Variants in ZNF624 observed in about 807,000 individuals in gnomAD.
ZNF624 encodes the protein zinc finger protein 624.
ZNF624 carries 43 observed loss-of-function variants against 74.7 expected under a neutral mutation model. The observed-to-expected ratio is 0.58, with a 90% CI of 0.45 to 0.74. The LOEUF (loss-of-function observed/expected upper bound fraction) is 0.74. Ranked by LOEUF, ZNF624 falls within the 30% of genes least tolerant of loss-of-function variation. ZNF624 has a pLI of 0.00. For synonymous variants in ZNF624, 331 were observed against 341.3 expected (o/e 0.97, Z 0.33); for missense variants, 820 against 1,030.0 (o/e 0.80, Z 2.79).
chr17:16,629,880 G>A (rs985130786), intron 5 of ZNF624, among the ~76,000 whole-genome samples: 1 of 152,048 alleles, frequency 6.6e-6, no homozygotes, highest in African/African-American at 2.4e-5. Flanking sequence ...CATTTAAAAT[G>A]GTTGAAAAAT....
intron 4 of ZNF624, among the ~76,000 whole-genome samples, 179 bp downstream of exon 4, chr17:16,634,451 A>C (rs1909278532): frequency 6.6e-6 from 1 of 152,202 alleles, no homozygotes; most frequent in Admixed American, 6.5e-5. Context: ...GATTCCAGTG[A>C]AATGTGTGTT....
Position 16,622,693 on chromosome 17 carries a change from T to C in ZNF624, c.2193A>G (p.Lys731=), listed in dbSNP as rs892491596. Residue 731 remains lysine (K), a synonymous_variant, in exon 6 of 6, where the codon AAA becomes AAG. Coordinates refer to ENST00000311331, the MANE Select transcript of ZNF624 (RefSeq NM_020787.4). ...EKPFKCNDCG[K]AFSQMVHVTE... ...TGACATGTACCATCTGGCTAAATGCTTTCCCACAGTCATTACATTTAAATG... is the reference window on the plus strand; with the variant it reads ...TGACATGTACCATCTGGCTAAATGCCTTCCCACAGTCATTACATTTAAATG... The C allele has an allele frequency of 3.1e-6, 5 of 1,613,860 alleles. No individual in the cohort carries two copies. The highest frequency in any genetic ancestry group is 3.4e-6 in the Non-Finnish European group (4 of 1,179,984).
chr17:16,646,806 TAGAC>T (rs2142650945), intron 3 of ZNF624, among the ~76,000 whole-genome samples: 1 of 152,332 alleles, frequency 6.6e-6, no homozygotes, highest in Non-Finnish European at 1.5e-5. Flanking sequence ...AGATAACCCT[TAGAC>T]AGGCTTGTTA....
downstream of ZNF624, among the ~76,000 whole-genome samples, chr17:16,619,026 G>T (rs1009157385): frequency 6.6e-6 from 1 of 152,004 alleles, no homozygotes; most frequent in African/African-American, 2.4e-5. Context: ...AAAATATTTG[G>T]TATTGTTACA....
rs1299965292 is a variant in ZNF624, at chr17:16,621,449, G to A, written c.*839C>T. On this transcript the variant is annotated 3_prime_UTR_variant, in exon 6 of 6. Transcript: ENST00000311331. Reference sequence around the variant, plus strand: ...GACTGCTGGGTCTAAGAGTATATATGTTTTAAATTTTTAAACATATATTGT... The same window carrying A: ...GACTGCTGGGTCTAAGAGTATATATATTTTAAATTTTTAAACATATATTGT... The A allele has an allele frequency of 2.0e-5, 3 of 152,196 alleles. No homozygotes were observed. The highest frequency in any genetic ancestry group is 2.1e-4 in the South Asian group (1 of 4,832). 9.4% of individuals were successfully genotyped at this position (152,196 alleles called of 1,614,324 possible).
intron 5 of ZNF624, among the ~76,000 whole-genome samples, chr17:16,630,846 G>T (rs1390992558): frequency 6.9e-6 from 1 of 145,724 alleles, no homozygotes; most frequent in Non-Finnish European, 1.6e-5. Context: ...AAAATTAAAT[G>T]AACTAAATAG....
chr17:16,620,703 T>C (rs956325634), downstream of ZNF624: 9 of 152,304 alleles, frequency 5.9e-5, no homozygotes, highest in South Asian at 2.1e-4. Flanking sequence ...TCCTGGCACA[T>C]TGAAGGTGTC....
At chr17:16,649,235 AG>A (rs1161515905) in intron 2 of ZNF624, among the ~76,000 whole-genome samples, 5 of 152,218 alleles carry the variant, frequency 3.3e-5, no homozygotes, top group African/African-American at 9.6e-5. Context: ...GATCACTGAG[AG>A]TGGCACAAGG....
At chr17:16,626,197 C>G (rs1909068093) in intron 5 of ZNF624, among the ~76,000 whole-genome samples, 1 of 152,182 alleles carries the variant, frequency 6.6e-6, no homozygotes, top group Non-Finnish European at 1.5e-5. Flanking sequence ...GTGATCCACC[C>G]TCCTCGGCCT....
At position 16,621,945 on chromosome 17, in the gene ZNF624, C is replaced by T. The variant is rs757118489; in HGVS notation, c.*343G>A. The T allele has an allele frequency of 4.3e-5, 7 of 161,690 alleles. No homozygotes were observed. In the Admixed American group the frequency reaches 4.4e-4, roughly 10 times the overall value. The allele number at this position is 161,690 out of a possible 1,614,324, so 10.0% of individuals were successfully genotyped here. A position where few individuals can be genotyped will look rare whatever the true frequency, so the allele number is the denominator to read the frequency against. On this transcript the variant is annotated 3_prime_UTR_variant, in exon 6 of 6. Transcript: ENST00000311331. ...CTACATAATGACAAAGGATTAATATCAAAAATATATAAAAAGCACCTCCAG... is the reference window on the plus strand; with the variant it reads ...CTACATAATGACAAAGGATTAATATTAAAAATATATAAAAAGCACCTCCAG...
chr17:16,623,561 TTCTC>T lies in ZNF624; in HGVS notation c.1321_1324del (p.Glu441AsnfsTer50). 6.2e-7 allele frequency: 1 copy of T among 1,610,438 alleles called. No homozygotes were observed. Among genetic ancestry groups the T allele is most frequent in the Non-Finnish European group, 8.5e-7 (1 of 1,178,908 alleles). On this transcript the variant is annotated frameshift_variant, in exon 6 of 6. Coordinates refer to ENST00000311331, the MANE Select transcript of ZNF624 (RefSeq NM_020787.4). LOFTEE classifies it high-confidence loss of function. The surrounding 1 kb of genome is among the most constrained non-coding windows in gnomAD (Gnocchi z 5.3). ...CCCACACTCGTTGCACTGATATGGTTTCTCTTCAGTGTGGGTCTTCTGATGTACA... is the reference window on the plus strand; with the variant it reads ...CCCACACTCGTTGCACTGATATGGTTTTCAGTGTGGGTCTTCTGATGTACA...
chr17:16,648,804 A>G (rs1171559559), intron 2 of ZNF624, among the ~76,000 whole-genome samples: 1 of 152,194 alleles, frequency 6.6e-6, no homozygotes, highest in Non-Finnish European at 1.5e-5. Context: ...TAAAAGATTC[A>G]TCTTAAATAT....
rs1179757640 is a variant in ZNF624, at chr17:16,622,368, C to G, written c.2518G>C (p.Glu840Gln). The change falls in exon 6 of 6, where the codon GAA becomes CAA. Residue 840 changes from glutamate to glutamine, a missense_variant. Coordinates refer to ENST00000311331, the MANE Select transcript of ZNF624 (RefSeq NM_020787.4). ...HTGEKPYKCN[E>Q]CGKAFRSSSS... ...CTACTCCTGAAGGCTTTTCCACATT[C>G]ATTACATTTATAGGGTTTTTCTCCA... 6.2e-7 allele frequency: 1 copy of G among 1,613,536 alleles called. No homozygotes were observed. The highest frequency in any genetic ancestry group is 1.1e-5 in the South Asian group (1 of 90,994).
rs1475348183 is a variant in ZNF624, at chr17:16,624,142, G to T, written c.744C>A (p.Cys248Ter). Residue 248 changes from cysteine to a stop codon, truncating the protein, a stop_gained, in exon 6 of 6, where the codon TGC (cysteine) becomes TGA (stop). Coordinates refer to ENST00000311331, the MANE Select transcript of ZNF624 (RefSeq NM_020787.4). LOFTEE classifies it high-confidence loss of function. ...TGGCTTTGCTGCCTTTCATCTCCTT[G>T]CAAATTATCTTCCCCAAATGGGTAT... ...ITDTHLGKIICKEMKGSKAIR... is the reference protein window; with the variant it reads ...ITDTHLGKII 1 of 1,614,010 alleles carries T rather than the reference G, an allele frequency of 6.2e-7. No individual in the cohort carries two copies.
At chr17:16,626,712 A>C (rs1415217391) in intron 5 of ZNF624, among the ~76,000 whole-genome samples, 1 of 152,204 alleles carries the variant, frequency 6.6e-6, no homozygotes, top group Non-Finnish European at 1.5e-5. Context: ...TGATTGCATC[A>C]CTGCACTACA....
downstream of ZNF624, chr17:16,616,833 C>T: frequency 1.8e-6 from 2 of 1,105,208 alleles, no homozygotes; most frequent in Non-Finnish European, 2.6e-6. Flanking sequence ...GTGCAGACAA[C>T]AAGAGAGTTC....
chr17:16,617,491 C>T (rs566477533), downstream of ZNF624: 9 of 1,602,454 alleles, frequency 5.6e-6, no homozygotes, highest in South Asian at 3.3e-5. Context: ...ACCTGCTTGT[C>T]GCATAAAATC....
chr17:16,625,147 C>T (rs773935379), intron 5 of ZNF624, among the ~76,000 whole-genome samples: 3 of 151,968 alleles, frequency 2.0e-5, no homozygotes, highest in Non-Finnish European at 2.9e-5. Context: ...ATTTACTCCA[C>T]AAACCAGACT....
At chr17:16,635,058 G>GGGAAA (rs1909295619) in intron 3 of ZNF624, among the ~76,000 whole-genome samples, 1 of 152,064 alleles carries the variant, frequency 6.6e-6, no homozygotes, top group Non-Finnish European at 1.5e-5. Flanking sequence ...CAAACAGCAC[G>GGGAAA]GTTTCCTCCT....
Sources: allele counts gnomAD v4.1 joint callset (sites outside exome capture counted in the v4.1 genomes callset), GRCh38; gene constraint gnomAD v4.1.1; non-coding constraint Gnocchi (gnomAD v3.1); transcripts MANE v1.5; gene names NCBI Gene and HGNC (gene_info 2026-07-23, HGNC 2026-07-21).